The following ADAM15 variants were observed in gnomAD, a reference collection of about 807,000 sequenced individuals.
ADAM15 encodes the protein disintegrin and metalloproteinase domain-containing protein 15.
In ADAM15, 77 loss-of-function variants were observed where a neutral mutation model predicts 113.8. The observed-to-expected ratio is 0.68, with a 90% CI of 0.56 to 0.82. The LOEUF (loss-of-function observed/expected upper bound fraction) is 0.82. Among genes scored for constraint, ADAM15 ranks in the 40% least tolerant of loss-of-function variants. ADAM15 has a pLI of 0.00. For missense variants in ADAM15, 963 were observed against 1,120.1 expected (o/e 0.86, Z 2.00); for synonymous variants, 388 against 454.1 (o/e 0.85, Z 1.85).
intron 6 of ADAM15, 130 bp from the exon 7 acceptor site, chr1:155,055,660 C>T (rs1661654253): frequency 5.1e-6 from 5 of 977,604 alleles, no homozygotes; most frequent in Non-Finnish European, 8.1e-6. Flanking sequence ...TTCAGTGGCT[C>T]ATCTGTAAAA....
Position 155,060,948 on chromosome 1 carries a change from G to A in ADAM15, c.2277+116G>A, listed in dbSNP as rs528913296. 3.3e-3 allele frequency: 3,431 copies of A among 1,027,046 alleles called. 19 individuals carry two copies. Among genetic ancestry groups the A allele is most frequent in the Non-Finnish European group, 4.3e-3 (2,999 of 702,410 alleles). The allele number at this position is 1,027,046 out of a possible 1,614,324, so 63.6% of individuals were successfully genotyped here. On this transcript the variant is annotated intron_variant, in intron 19 of 22. Coordinates refer to ENST00000356955, the MANE Select transcript of ADAM15 (RefSeq NM_207197.3). Reference sequence around the variant, plus strand: ...AGAGAAAGGCTAGCACTGCCCAAGAGTCAGTCGAAGGAGTCAGGGCCAGCC... The same window carrying A: ...AGAGAAAGGCTAGCACTGCCCAAGAATCAGTCGAAGGAGTCAGGGCCAGCC...
chr1:155,052,256 A>G (rs992737753), intron 1 of ADAM15: 1 of 515,456 alleles, frequency 1.9e-6, no homozygotes, highest in Non-Finnish European at 3.5e-6. Flanking sequence ...CGTTCCTGGC[A>G]TCTCCGATGT....
rs897692518 is a variant in ADAM15 at position 155,056,949 on chromosome 1, A to G, written c.1000-4A>G. On this transcript the variant is annotated splice_region_variant and splice_polypyrimidine_tract_variant and intron_variant, in intron 10 of 22. Coordinates refer to ENST00000356955, the MANE Select transcript of ADAM15 (RefSeq NM_207197.3). This position sits in a 1 kb window ranked among gnomAD's most constrained non-coding sequence, Gnocchi z 4.0. ...GGACCTACAGTACCCCTCCCCAATG[A>G]CAGGACCACTCCACCAGCATCCTGG... 4.5e-6 allele frequency: 7 copies of G among 1,549,896 alleles called. No individual in the cohort carries two copies. The African/African-American group carries it at 6.9e-5, about 15-fold the overall frequency.
intron 20 of ADAM15, 115 bp from the exon 21 acceptor site, chr1:155,061,789 C>A: frequency 8.4e-7 from 1 of 1,195,990 alleles, no homozygotes; most frequent in Non-Finnish European, 1.2e-6. Flanking sequence ...TGCCCTCATT[C>A]TCTCCTGCCC....
At chr1:155,059,038 C>T (rs773632970) in intron 16 of ADAM15, among the ~76,000 whole-genome samples, 19 of 152,096 alleles carry the variant, frequency 1.2e-4, no homozygotes, top group Non-Finnish European at 2.6e-4. Flanking sequence ...GGCACAATGG[C>T]TCATGCCTAT....
In ADAM15 at chr1:155,061,431, G is replaced by A. The variant is rs376914979; in HGVS notation, c.2294G>A (p.Ser765Asn). 12 of 1,613,528 alleles carry A rather than the reference G, an allele frequency of 7.4e-6. No homozygotes were observed. The Middle Eastern group carries it at 9.9e-4, about 133-fold the overall frequency. The change falls in exon 20 of 23, where the codon AGC becomes AAC. Residue 765 changes from serine (S) to asparagine (N), a missense_variant. Coordinates refer to ENST00000356955, the MANE Select transcript of ADAM15 (RefSeq NM_207197.3). ...CCCTCTCAGCAGGCTAGTGCTCTCA[G>A]CTTCCCGGCCCCCCCTTCCAGGCCG... The part of the protein sequence containing the change: ...ARGTKQASAL[S>N]FPAPPSRPLP...
chr1:155,060,806 A>T lies in ADAM15; in HGVS notation c.2251A>T (p.Arg751Trp). ...CTCTGAACGGCCAGGACCTCCGCAG[A>T]GGGCCCTGCTGGCACGAGGCACTAA... is the stretch of plus-strand genomic sequence containing the variant. ...GPSERPGPPQ[R>W]ALLARGTKQA... is the part of the protein sequence containing the mutation. Residue 751 changes from arginine (R) to tryptophan (W), a missense_variant, in exon 19 of 23, where the codon AGG becomes TGG. Coordinates refer to ENST00000356955, the MANE Select transcript of ADAM15 (RefSeq NM_207197.3). 1 of 1,612,900 alleles carries T rather than the reference A, an allele frequency of 6.2e-7. No homozygotes were observed. Among genetic ancestry groups the T allele is most frequent in the Non-Finnish European group, 8.5e-7 (1 of 1,179,980 alleles).
At chr1:155,053,665 G>C (rs920799511) in intron 3 of ADAM15, among the ~76,000 whole-genome samples, 172 bp downstream of exon 3, 8 of 152,362 alleles carry the variant, frequency 5.3e-5, no homozygotes, top group Non-Finnish European at 1.2e-4. Flanking sequence ...TCAAGGCACA[G>C]AGAGATTAAA....
intron 6 of ADAM15, 66 bp downstream of exon 6, chr1:155,054,572 C>T: frequency 6.8e-7 from 1 of 1,481,012 alleles, no homozygotes; most frequent in South Asian, 1.4e-5. Flanking sequence ...ACACTTAGAG[C>T]TATGTGTGCA....
intron 3 of ADAM15, 38 bp from the exon 4 acceptor site, chr1:155,053,872 G>A: frequency 6.2e-7 from 1 of 1,605,574 alleles, no homozygotes; most frequent in Non-Finnish European, 8.5e-7. Flanking sequence ...GACCTGGGAA[G>A]TGGCTTTAGC....
At chr1:155,055,636 T>C in intron 6 of ADAM15, 154 bp from the exon 7 acceptor site, 1 of 759,952 alleles carries the variant, frequency 1.3e-6, no homozygotes, top group Non-Finnish European at 2.3e-6. Flanking sequence ...GGCAAGTTCC[T>C]GGGCCCTCTG....
rs567073512 is a variant in ADAM15, at chr1:155,060,864, C to T, written c.2277+32C>T. The T allele has an allele frequency of 5.6e-6, 9 of 1,593,896 alleles. No homozygotes were observed. In the African/African-American group the frequency reaches 1.2e-4, roughly 21 times the overall value. On this transcript the variant is annotated intron_variant, in intron 19 of 22. Transcript: ENST00000356955. ...CCTGGATGCCAGAGGAAGGGGACTCCACCTTGGCCGGGCATCCAGCTTGGG... is the reference window on the plus strand; with the variant it reads ...CCTGGATGCCAGAGGAAGGGGACTCTACCTTGGCCGGGCATCCAGCTTGGG...
intron 1 of ADAM15, 48 bp downstream of exon 1, chr1:155,051,513 T>G (rs765751255): frequency 6.8e-7 from 1 of 1,470,156 alleles, no homozygotes; most frequent in East Asian, 2.9e-5. Flanking sequence ...GGGAGGGAGG[T>G]GCAGGAAAGT....
Position 155,061,705 on chromosome 1 carries a change from G to T in ADAM15, c.2353-199G>T, listed in dbSNP as rs1468088574. On this transcript the variant is annotated intron_variant, in intron 20 of 22. Transcript: ENST00000356955. ...GGTGGTCAATGGCGGGACTGCAGTCGGCCAGGGACTGCGGTTGACCTACAC... is the reference window on the plus strand; with the variant it reads ...GGTGGTCAATGGCGGGACTGCAGTCTGCCAGGGACTGCGGTTGACCTACAC... 6.5e-6 allele frequency: 5 copies of T among 772,050 alleles called. No individual in the cohort carries two copies. The African/African-American group carries it at 7.0e-5, about 11-fold the overall frequency. The allele number at this position is 772,050 out of a possible 1,614,324, so 47.8% of individuals were successfully genotyped here. A position where few individuals can be genotyped will look rare whatever the true frequency, so the allele number is the denominator to read the frequency against.
chr1:155,053,508 G>A lies in ADAM15; in HGVS notation c.263+15G>A, dbSNP rs757002919. 1 of 1,613,828 alleles carries A rather than the reference G, an allele frequency of 6.2e-7. No homozygotes were observed. Among genetic ancestry groups the A allele is most frequent in the Non-Finnish European group, 8.5e-7 (1 of 1,179,740 alleles). ...CTACAGAATAGGTAATAGTGATGGT[G>A]GCAATAACAGTGACCACATGGCCAA... On this transcript the variant is annotated intron_variant, in intron 3 of 22. Coordinates refer to ENST00000356955, the MANE Select transcript of ADAM15 (RefSeq NM_207197.3).
At chr1:155,059,860 C>T in intron 16 of ADAM15, 42 bp from the exon 17 acceptor site, 2 of 1,589,118 alleles carry the variant, frequency 1.3e-6, no homozygotes, top group East Asian at 4.5e-5. Flanking sequence ...GGAAATAGTT[C>T]CAGAGTGCAG....
In ADAM15 at chr1:155,057,119, G is replaced by A. The variant is rs199553086; in HGVS notation, c.1148+18G>A. The A allele has an allele frequency of 3.5e-4, 543 of 1,570,634 alleles. 2 individuals carry two copies. Among genetic ancestry groups the A allele is most frequent in the Admixed American group, 2.6e-3 (139 of 53,888 alleles). ...TCCACAGAGTAAGTAGCTGCAGGAT[G>A]GAGAGAGGGTGTGGGGCAGGGGGCA... On this transcript the variant is annotated intron_variant, in intron 11 of 22. Coordinates refer to ENST00000356955, the MANE Select transcript of ADAM15 (RefSeq NM_207197.3). The surrounding 1 kb of genome is among the most constrained non-coding windows in gnomAD (Gnocchi z 5.0).
rs1661754801 is a variant in ADAM15 at position 155,056,311 on chromosome 1, A to G, written c.914+62A>G. Reference sequence around the variant, plus strand: ...GTCCTGGCCAAATTCACACCCCTTCAGCACCCTACCTCAGCCCCTGAAGCT... The same window carrying G: ...GTCCTGGCCAAATTCACACCCCTTCGGCACCCTACCTCAGCCCCTGAAGCT... On this transcript the variant is annotated intron_variant, in intron 9 of 22. Coordinates refer to ENST00000356955, the MANE Select transcript of ADAM15 (RefSeq NM_207197.3). This position sits in a 1 kb window ranked among gnomAD's most constrained non-coding sequence, Gnocchi z 4.0. The G allele has an allele frequency of 3.7e-6, 6 of 1,611,572 alleles. No individual in the cohort carries two copies. Among genetic ancestry groups the G allele is most frequent in the Non-Finnish European group, 5.1e-6 (6 of 1,178,360 alleles).
intron 18 of ADAM15, 143 bp from the exon 19 acceptor site, chr1:155,060,620 G>GC (rs1662438179): frequency 2.1e-6 from 2 of 963,578 alleles, no homozygotes; most frequent in African/African-American, 1.6e-5. Flanking sequence ...AATAAATACT[G>GC]CCCCCCACCC....
Sources: gnomAD v4.1 joint callset for allele counts (sites outside exome capture counted in the v4.1 genomes callset) on GRCh38, gnomAD v4.1.1 for gene constraint, Gnocchi (gnomAD v3.1) non-coding constraint, MANE v1.5 for transcripts, NCBI Gene and HGNC (gene_info 2026-07-23, HGNC 2026-07-21) for gene names.